Variants in PDE9A observed in about 807,000 individuals in gnomAD.
PDE9A encodes phosphodiesterase 9A, also known as high affinity cGMP-specific 3',5'-cyclic phosphodiesterase 9A.
A neutral mutation model predicts 87.4 loss-of-function variants in PDE9A; 60 were observed. The observed-to-expected ratio is 0.69, with a 90% CI of 0.56 to 0.85. The LOEUF is 0.85. Among genes scored for constraint, PDE9A ranks in the 40% least tolerant of loss-of-function variants. PDE9A has a pLI of 0.00. For missense variants in PDE9A, 665 were observed against 779.0 expected, an observed-to-expected ratio of 0.85 and a Z score of 1.74; for synonymous variants, 272 against 279.4, an observed-to-expected ratio of 0.97 and a Z score of 0.27.
intron 18 of PDE9A, 124 bp downstream of exon 18, chr21:42,770,922 CA>C: frequency 1.5e-6 from 1 of 667,690 alleles, no homozygotes; most frequent in East Asian, 2.7e-5. Context: ...TGGACAGGCA[CA>C]CGTGTACCTT....
At chr21:42,672,960 G>C (rs1204466123) in intron 1 of PDE9A, among the ~76,000 whole-genome samples, 2 of 152,196 alleles carry the variant, frequency 1.3e-5, no homozygotes, top group Non-Finnish European at 2.9e-5. Flanking sequence ...CATGTGCCTT[G>C]GTGCTACTTG....
intron 7 of PDE9A, among the ~76,000 whole-genome samples, chr21:42,736,669 G>A (rs1037689877): frequency 6.6e-6 from 1 of 152,220 alleles, no homozygotes; most frequent in Non-Finnish European, 1.5e-5. Flanking sequence ...AGAGAAGGAG[G>A]AACAGTCTAG....
At chr21:42,662,591 ACAT>A (rs1444392702) in intron 1 of PDE9A, among the ~76,000 whole-genome samples, 1 of 147,774 alleles carries the variant, frequency 6.8e-6, no homozygotes, top group East Asian at 2.0e-4. Flanking sequence ...AAGCACACGC[ACAT>A]CATACACATG....
At chr21:42,664,046 C>G (rs527980940) in intron 1 of PDE9A, among the ~76,000 whole-genome samples, 1 of 152,206 alleles carries the variant, frequency 6.6e-6, no homozygotes, top group African/African-American at 2.4e-5. Flanking sequence ...GAGGACGGCC[C>G]GGGGCCGAGT....
At chr21:42,670,463 T>G (rs2058454923) in intron 1 of PDE9A, among the ~76,000 whole-genome samples, 1 of 151,396 alleles carries the variant, frequency 6.6e-6, no homozygotes, top group Admixed American at 6.6e-5. Flanking sequence ...CACACAGACT[T>G]GCACATAGAC....
At chr21:42,709,079 A>G (rs1306683610) in intron 4 of PDE9A, among the ~76,000 whole-genome samples, 1 of 152,236 alleles carries the variant, frequency 6.6e-6, no homozygotes, top group African/African-American at 2.4e-5. Flanking sequence ...TAGATTGGAT[A>G]AAGAAAATGT....
rs34238765 is a variant in PDE9A, at chr21:42,674,316, C to CTTTTTTTTTTTTTTTT, written c.70-11874_70-11859dup. The stretch of plus-strand genomic sequence containing the variant: ...GCTGGAGCTTTAGGCTTTAGACATT[C>CTTTTTTTTTTTTTTTT]TTTTTTTTTTTTTTTTTGAGACAGG... On this transcript the variant is annotated intron_variant, in intron 1 of 19. Transcript: ENST00000291539. Among the ~76,000 whole-genome samples, 632 of 134,490 alleles carry CTTTTTTTTTTTTTTTT rather than the reference C, an allele frequency of 4.7e-3. 13 individuals are homozygous for CTTTTTTTTTTTTTTTT. The highest frequency in any genetic ancestry group is 6.6e-3 in the Non-Finnish European group (419 of 63,898). The allele number at this position is 134,490 out of a possible 152,430, so 88.2% of individuals were successfully genotyped here.
At chr21:42,764,153 C>T (rs1479450750) in intron 14 of PDE9A, among the ~76,000 whole-genome samples, 4 of 152,310 alleles carry the variant, frequency 2.6e-5, no homozygotes, top group East Asian at 1.9e-4. Context: ...CGCCGACAGC[C>T]GCACCTCAGA....
chr21:42,765,883 A>G (rs2284972), intron 15 of PDE9A, among the ~76,000 whole-genome samples: 75,239 of 152,098 alleles, frequency 0.49, 19,763 homozygotes, highest in African/African-American at 0.68. Flanking sequence ...CCGCTCCCCA[A>G]GCCAGCATCC....
At chr21:42,679,901 C>A (rs2059069160) in intron 1 of PDE9A, among the ~76,000 whole-genome samples, 1 of 152,188 alleles carries the variant, frequency 6.6e-6, no homozygotes, top group South Asian at 2.1e-4. Context: ...ATGCTTCTCA[C>A]TGCAAGAAAC....
At chr21:42,674,254 T>C (rs1395773174) in intron 1 of PDE9A, among the ~76,000 whole-genome samples, 2 of 151,186 alleles carry the variant, frequency 1.3e-5, no homozygotes, top group African/African-American at 2.4e-5. Flanking sequence ...ACTTCCACAG[T>C]GTAGGAGATG....
chr21:42,740,755 G>GGATAGATAGATAGATA (rs58917556), intron 7 of PDE9A, among the ~76,000 whole-genome samples: 155 of 140,184 alleles, frequency 1.1e-3, no homozygotes, highest in Middle Eastern at 3.5e-3. Context: ...TAGATAAACA[G>GGATAGATAGATAGATA]GATAGATAGA....
In PDE9A at chr21:42,653,874, C is replaced by T; in HGVS notation, c.60C>T (p.Arg20=). The T allele has an allele frequency of 6.4e-7, 1 of 1,557,224 alleles. No individual in the cohort carries two copies. Among genetic ancestry groups the T allele is most frequent in the Non-Finnish European group, 8.7e-7 (1 of 1,149,774 alleles). ...PKAIYLDIDG[R]IQKVIFSKYC... ...CCATCTACCTGGACATCGATGGACG[C>T]ATTCAGAAGGTAGCCCCTCCCCCAC... Residue 20 remains arginine, a synonymous_variant, in exon 1 of 20, where the codon CGC becomes CGT. Transcript: ENST00000291539.
rs1398111913 is a variant in PDE9A at position 42,765,404 on chromosome 21, C to A, written c.1266C>A (p.Ala422=). 1 of 1,608,098 alleles carries A rather than the reference C, an allele frequency of 6.2e-7. No homozygotes were observed. The highest frequency in any genetic ancestry group is 8.5e-7 in the Non-Finnish European group (1 of 1,174,624). The change falls in exon 15 of 20, where the codon GCC becomes GCA. Residue 422 remains alanine, a synonymous_variant. Transcript: ENST00000291539. ...AGGGAATGATCACATTAATCTTGGC[C>A]ACTGACATGGCAAGACATGCAGAAA... ...IRQGMITLIL[A]TDMARHAEIM... is the part of the protein sequence containing the mutation.
chr21:42,675,115 G>A lies in PDE9A; in HGVS notation c.70-11077G>A, dbSNP rs572953471. Among the ~76,000 whole-genome samples, 24 of 152,222 alleles carry A rather than the reference G, an allele frequency of 1.6e-4. No homozygotes were observed. Among genetic ancestry groups the A allele is most frequent in the Non-Finnish European group, 2.2e-4 (15 of 68,034 alleles). Reference sequence around the variant, plus strand: ...TGTGCGTTTAGGAGTGTGTAAGTGCGTGTAAGTGTGTGTCTGGCTTTCTTT... The same window carrying A: ...TGTGCGTTTAGGAGTGTGTAAGTGCATGTAAGTGTGTGTCTGGCTTTCTTT... On this transcript the variant is annotated intron_variant, in intron 1 of 19. Transcript: ENST00000291539. This position sits in a 1 kb window ranked among gnomAD's most constrained non-coding sequence, Gnocchi z 4.3.
chr21:42,769,746 GCA>G (rs1228751372), intron 17 of PDE9A, among the ~76,000 whole-genome samples: 1 of 143,154 alleles, frequency 7.0e-6, no homozygotes, highest in Non-Finnish European at 1.6e-5. Context: ...GCACACACAT[GCA>G]CACACAGGTA....
chr21:42,714,839 T>C (rs369603638), intron 4 of PDE9A, among the ~76,000 whole-genome samples: 4 of 134,538 alleles, frequency 3.0e-5, no homozygotes, highest in Admixed American at 7.3e-5. Context: ...GCTCTACCAG[T>C]CTTTGTTCAT....
Position 42,759,915 on chromosome 21 carries a change from T to C in PDE9A, c.898-413T>C, listed in dbSNP as rs151031656. 6.6e-6 allele frequency among the ~76,000 whole-genome samples: 1 copy of C among 152,106 alleles called. No individual in the cohort carries two copies. The highest frequency in any genetic ancestry group is 1.5e-5 in the Non-Finnish European group (1 of 67,948). On this transcript the variant is annotated intron_variant, in intron 11 of 19. Coordinates refer to ENST00000291539, the MANE Select transcript of PDE9A (RefSeq NM_002606.3). This position sits in a 1 kb window ranked among gnomAD's most constrained non-coding sequence, Gnocchi z 7.2. ...TATGTTTGGCAGCAGGTTTTTTTAA[T>C]GAAATATTGCTCAGAACCAAATATT...
chr21:42,763,409 A>G (rs1214438883), intron 14 of PDE9A, among the ~76,000 whole-genome samples: 2 of 152,202 alleles, frequency 1.3e-5, no homozygotes, highest in African/African-American at 4.8e-5. Flanking sequence ...CAGCCCAGAC[A>G]CAGAGGAGAA....
Sources: allele counts gnomAD v4.1 joint callset (sites outside exome capture counted in the v4.1 genomes callset), GRCh38; gene constraint gnomAD v4.1.1; non-coding constraint Gnocchi (gnomAD v3.1); transcripts MANE v1.5; gene names NCBI Gene and HGNC (gene_info 2026-07-23, HGNC 2026-07-21).